ROBO1: variants seen among roughly 807,000 people sequenced by gnomAD.
ROBO1 encodes the protein roundabout guidance receptor 1, also known as roundabout homolog 1.
Under a neutral mutation model 195.9 loss-of-function variants are expected in ROBO1, and 149 were observed. The observed-to-expected ratio is 0.76, with a 90% confidence interval of 0.67 to 0.87. ROBO1 has a LOEUF of 0.87. Among genes scored for constraint, ROBO1 ranks in the 40% least tolerant of loss-of-function variants. The pLI is 0.00. For synonymous variants in ROBO1, 816 were observed against 733.2 expected, an observed-to-expected ratio of 1.11 and a Z score of -1.82; for missense variants, 1,933 against 2,068.3, an observed-to-expected ratio of 0.93 and a Z score of 1.27.
At chr3:79,537,218 G>A (rs1202728166) in intron 2 of ROBO1, among the ~76,000 whole-genome samples, 1 of 151,866 alleles carries the variant, frequency 6.6e-6, no homozygotes, top group African/African-American at 2.4e-5. Context: ...GCTGGAACTT[G>A]AACTCTAGCT....
intron 2 of ROBO1, among the ~76,000 whole-genome samples, chr3:79,245,012 T>C (rs994393049): frequency 7.2e-5 from 11 of 152,226 alleles, no homozygotes; most frequent in Admixed American, 7.2e-4. Context: ...TTAGATTGAC[T>C]ACCACACATG....
At chr3:78,966,810 T>C (rs1223594511) in intron 3 of ROBO1, among the ~76,000 whole-genome samples, 1 of 152,234 alleles carries the variant, frequency 6.6e-6, no homozygotes, top group African/African-American at 2.4e-5. Flanking sequence ...CTACACTTCA[T>C]CAGATCTGGT....
chr3:78,907,544 T>C (rs1244870116), intron 4 of ROBO1, among the ~76,000 whole-genome samples: 1 of 152,074 alleles, frequency 6.6e-6, no homozygotes, highest in Non-Finnish European at 1.5e-5. Context: ...AGATGACCTT[T>C]TGCAGTGAAC....
At chr3:78,916,200 A>G (rs2038564213) in intron 4 of ROBO1, among the ~76,000 whole-genome samples, 1 of 147,064 alleles carries the variant, frequency 6.8e-6, no homozygotes, top group Non-Finnish European at 1.5e-5. Flanking sequence ...CAGTGAGCCG[A>G]GATCGCGCCA....
At chr3:79,205,425 C>T (rs2081849673) in intron 2 of ROBO1, among the ~76,000 whole-genome samples, 1 of 152,130 alleles carries the variant, frequency 6.6e-6, no homozygotes, top group Admixed American at 6.6e-5. Flanking sequence ...ACCCAGATAA[C>T]ATGGAGATAA....
At chr3:78,827,850 C>T (rs1347332691) in intron 4 of ROBO1, among the ~76,000 whole-genome samples, 1 of 152,126 alleles carries the variant, frequency 6.6e-6, no homozygotes, top group Non-Finnish European at 1.5e-5. Context: ...GGAGGTTGAT[C>T]TTCTTTACCA....
chr3:78,964,783 G>A (rs2041586918), intron 3 of ROBO1, among the ~76,000 whole-genome samples: 1 of 148,736 alleles, frequency 6.7e-6, no homozygotes, highest in Admixed American at 6.7e-5. Context: ...GGGTCTAAAA[G>A]AGGAAAGCAA....
chr3:79,664,812 ATT>A (rs1335043429), intron 1 of ROBO1, among the ~76,000 whole-genome samples: 1 of 152,026 alleles, frequency 6.6e-6, no homozygotes. Context: ...AACAATAAAT[ATT>A]CAATGCCTTC....
rs368110549 is a variant in ROBO1 at position 79,303,159 on chromosome 3, G to GTTTTTTTTTTTTTTTTTTTTTTTTTTT, written c.89-177621_89-177620insAAAAAAAAAAAAAAAAAAAAAAAAAAA. Among the ~76,000 whole-genome samples, 13 of 72,090 alleles carry GTTTTTTTTTTTTTTTTTTTTTTTTTTT rather than the reference G, an allele frequency of 1.8e-4. 5 individuals are homozygous for GTTTTTTTTTTTTTTTTTTTTTTTTTTT. The highest frequency in any genetic ancestry group is 1.2e-4 in the Non-Finnish European group (5 of 41,250). The allele number at this position is 72,090 out of a possible 152,430, so 47.3% of individuals were successfully genotyped here. The stretch of plus-strand genomic sequence containing the variant: ...ATTAATATATGAATTATCTCACATA[G>GTTTTTTTTTTTTTTTTTTTTTTTTTTT]GTTTTTTTTTTTTTTTTTTTTTTTG... On this transcript the variant is annotated intron_variant, in intron 2 of 30. Transcript: ENST00000464233.
At chr3:78,731,022 TAAG>T (rs1412885893) in intron 5 of ROBO1, among the ~76,000 whole-genome samples, 1 of 152,072 alleles carries the variant, frequency 6.6e-6, no homozygotes, top group African/African-American at 2.4e-5. Context: ...CATGGACAAA[TAAG>T]AAATAAAAAT....
chr3:79,680,824 T>C (rs375413483), intron 1 of ROBO1, among the ~76,000 whole-genome samples: 19 of 151,884 alleles, frequency 1.3e-4, no homozygotes, highest in African/African-American at 4.1e-4. Context: ...AAAAGTAATA[T>C]TGAAGAATCT....
intron 1 of ROBO1, among the ~76,000 whole-genome samples, chr3:79,700,539 G>A (rs1289162155): frequency 6.6e-6 from 1 of 151,692 alleles, no homozygotes; most frequent in Non-Finnish European, 1.5e-5. Context: ...GCCAGCATCT[G>A]TTGTTGTTTG....
At chr3:78,928,982 T>C (rs888141528) in intron 4 of ROBO1, among the ~76,000 whole-genome samples, 2 of 152,126 alleles carry the variant, frequency 1.3e-5, no homozygotes, top group Non-Finnish European at 2.9e-5. Flanking sequence ...ATAAATACTT[T>C]CGTGGAGGTG....
chr3:78,653,375 T>C (rs1368079578), intron 18 of ROBO1, among the ~76,000 whole-genome samples: 7 of 152,126 alleles, frequency 4.6e-5, no homozygotes, highest in Non-Finnish European at 1.0e-4. Flanking sequence ...TGTGCAGATA[T>C]GCCAGTGACC....
At chr3:79,611,399 C>T (rs942644991) in intron 1 of ROBO1, among the ~76,000 whole-genome samples, 16 of 151,792 alleles carry the variant, frequency 1.1e-4, no homozygotes, top group East Asian at 3.9e-4. Context: ...TAAATGAAAT[C>T]GATGGGATAT....
At chr3:79,730,882 A>G (rs1242779684) in intron 1 of ROBO1, among the ~76,000 whole-genome samples, 1 of 141,226 alleles carries the variant, frequency 7.1e-6, no homozygotes, top group Admixed American at 8.0e-5. Flanking sequence ...GGTTCACGCC[A>G]TTCTCCTGCC....
chr3:78,782,801 G>A (rs1246720125), intron 4 of ROBO1, among the ~76,000 whole-genome samples: 2 of 152,110 alleles, frequency 1.3e-5, no homozygotes. Flanking sequence ...TATCATACAT[G>A]TTGGTTTGTC....
chr3:78,766,208 A>C (rs1390195820), intron 4 of ROBO1, among the ~76,000 whole-genome samples: 2 of 152,322 alleles, frequency 1.3e-5, no homozygotes, highest in East Asian at 3.9e-4. Flanking sequence ...AATGATCTTG[A>C]ACAAAGGAAA....
rs560780454 is a variant in ROBO1, at chr3:78,636,223, G to A, written c.3038-115C>T. 195 of 663,644 alleles carry A rather than the reference G, an allele frequency of 2.9e-4. No individual in the cohort carries two copies. In the African/African-American group the frequency reaches 3.1e-3, roughly 11 times the overall value. The allele number at this position is 663,644 out of a possible 1,614,324, so 41.1% of individuals were successfully genotyped here. A position where few individuals can be genotyped will look rare whatever the true frequency, so the allele number is the denominator to read the frequency against. Reference sequence around the variant, plus strand: ...AAATCGTTATGTAAAGTACAAGTGGGCTTAAATAAGATCAATAAAAACGGC... The same window carrying A: ...AAATCGTTATGTAAAGTACAAGTGGACTTAAATAAGATCAATAAAAACGGC... On this transcript the variant is annotated intron_variant, in intron 22 of 30. Transcript: ENST00000464233.
Sources: gnomAD v4.1 joint callset for allele counts (sites outside exome capture counted in the v4.1 genomes callset) on GRCh38, gnomAD v4.1.1 for gene constraint, MANE v1.5 for transcripts, NCBI Gene and HGNC (gene_info 2026-07-23, HGNC 2026-07-21) for gene names.